The following TXLNB variants were observed in gnomAD, a reference collection of about 807,000 sequenced individuals.
TXLNB encodes taxilin beta.
Under a neutral mutation model 57.4 loss-of-function variants are expected in TXLNB, and 37 were observed. The ratio of observed to expected loss-of-function variants is 0.64; its 90% CI spans 0.50 to 0.85. The LOEUF (loss-of-function observed/expected upper bound fraction) is 0.85. Among genes scored for constraint, TXLNB ranks in the 40% least tolerant of loss-of-function variants. The pLI, the probability that TXLNB is intolerant of heterozygous loss-of-function variation, is 0.00. For missense variants in TXLNB, 848 were observed against 825.6 expected, an observed-to-expected ratio of 1.03 and a Z score of -0.33; for synonymous variants, 302 against 309.6, an observed-to-expected ratio of 0.98 and a Z score of 0.26.
the TXLNB span, among the ~76,000 whole-genome samples, chr6:139,321,456 A>G: frequency 3.3e-5 from 5 of 151,948 alleles, no homozygotes; most frequent in African/African-American, 1.2e-4. Context: ...CTCCAGAACT[A>G]TAAGAAGTAC....
In TXLNB at chr6:139,242,398, T is replaced by TA. The variant is rs1216470468; in HGVS notation, c.*127dup. On this transcript the variant is annotated 3_prime_UTR_variant, in exon 10 of 10. Transcript: ENST00000358430. The stretch of plus-strand genomic sequence containing the variant: ...TGAATGAATGTGTTCTGCCTAACAT[T>TA]AAAAAATGTCTTGATCCTAAGTCTC... The TA allele has an allele frequency of 5.5e-6, 4 of 731,006 alleles. No individual in the cohort carries two copies. The highest frequency in any genetic ancestry group is 7.9e-6 in the Non-Finnish European group (4 of 508,058). The allele number at this position is 731,006 out of a possible 1,614,324, so 45.3% of individuals were successfully genotyped here.
the TXLNB span, among the ~76,000 whole-genome samples, chr6:139,171,190 A>C: frequency 8.9e-4 from 136 of 152,242 alleles, no homozygotes; most frequent in Non-Finnish European, 1.3e-3. Context: ...GTGGTGGTTA[A>C]AATCCTAAGG....
chr6:139,229,195 T>C, the TXLNB span, among the ~76,000 whole-genome samples: 2 of 152,234 alleles, frequency 1.3e-5, no homozygotes, highest in Non-Finnish European at 2.9e-5. Flanking sequence ...AAAGGACAGA[T>C]GACCCAATAC....
the TXLNB span, among the ~76,000 whole-genome samples, chr6:139,313,221 T>C: frequency 1.3e-5 from 2 of 152,044 alleles, no homozygotes; most frequent in Non-Finnish European, 2.9e-5. Context: ...TACAGGCACG[T>C]GCCACCATGC....
the TXLNB span, among the ~76,000 whole-genome samples, chr6:139,323,231 A>G: frequency 1.3e-5 from 2 of 151,982 alleles, no homozygotes; most frequent in Non-Finnish European, 1.5e-5. Context: ...TTTGTTTGCA[A>G]GAAACCTCTA....
chr6:139,219,223 G>C, the TXLNB span, among the ~76,000 whole-genome samples: 1 of 152,194 alleles, frequency 6.6e-6, no homozygotes, highest in South Asian at 2.1e-4. Context: ...CCTAACAGTG[G>C]TAAACAATCA....
chr6:139,223,823 T>C, the TXLNB span, among the ~76,000 whole-genome samples: 2 of 151,902 alleles, frequency 1.3e-5, no homozygotes, highest in African/African-American at 4.8e-5. Flanking sequence ...TGTGGAGAAA[T>C]AGGAACACTT....
At chr6:139,189,179 G>A in the TXLNB span, among the ~76,000 whole-genome samples, 1 of 152,218 alleles carries the variant, frequency 6.6e-6, no homozygotes, top group Non-Finnish European at 1.5e-5. Context: ...TTTTATTACA[G>A]CTTTCGGGGT....
chr6:139,313,857 A>G, the TXLNB span, among the ~76,000 whole-genome samples: 19 of 152,194 alleles, frequency 1.2e-4, no homozygotes, highest in African/African-American at 4.6e-4. Flanking sequence ...CATTCCAAAG[A>G]AAACCTGAAA....
the TXLNB span, among the ~76,000 whole-genome samples, chr6:139,319,960 T>C: frequency 2.0e-5 from 3 of 152,290 alleles, no homozygotes; most frequent in Non-Finnish European, 4.4e-5. Flanking sequence ...AAAATACATT[T>C]CTACTACTTT....
chr6:139,302,678 G>A, the TXLNB span, among the ~76,000 whole-genome samples: 1 of 151,914 alleles, frequency 6.6e-6, no homozygotes, highest in Non-Finnish European at 1.5e-5. Context: ...AGCTACGAGG[G>A]AGGCTGAGGC....
chr6:139,262,950 T>G (rs933166318), intron 4 of TXLNB, among the ~76,000 whole-genome samples, 177 bp from the exon 5 acceptor site: 1 of 152,202 alleles, frequency 6.6e-6, no homozygotes, highest in Non-Finnish European at 1.5e-5. Flanking sequence ...CAGCTGTGAG[T>G]ACATAGTTAC....
chr6:139,174,214 A>G, the TXLNB span, among the ~76,000 whole-genome samples: 213 of 152,376 alleles, frequency 1.4e-3, 7 homozygotes, highest in South Asian at 0.042. Flanking sequence ...CTAGTAATTC[A>G]TCATTATCCT....
chr6:139,166,578 C>T, the TXLNB span: 1 of 1,614,256 alleles, frequency 6.2e-7, no homozygotes, highest in Non-Finnish European at 8.5e-7. Context: ...AAGAAGGACA[C>T]AGACTGGTAT....
At chr6:139,212,421 C>T in the TXLNB span, among the ~76,000 whole-genome samples, 3 of 152,150 alleles carry the variant, frequency 2.0e-5, no homozygotes, top group African/African-American at 4.8e-5. Context: ...CACAGACAAG[C>T]AAATGCTGAG....
upstream of TXLNB, among the ~76,000 whole-genome samples, chr6:139,292,407 A>T (rs6929926): frequency 0.38 from 57,372 of 152,000 alleles, 13,069 homozygotes; most frequent in African/African-American, 0.65. This position sits in a 1 kb window ranked among gnomAD's most constrained non-coding sequence, Gnocchi z 4.0. Flanking sequence ...GTGTGGTGGA[A>T]GATTCATCTT....
the TXLNB span, among the ~76,000 whole-genome samples, chr6:139,229,533 G>A: frequency 6.6e-6 from 1 of 152,282 alleles, no homozygotes; most frequent in South Asian, 2.1e-4. Flanking sequence ...ATGTTGGCCA[G>A]GCTGGTCTCG....
the TXLNB span, among the ~76,000 whole-genome samples, chr6:139,323,611 A>C: frequency 1.3e-5 from 2 of 152,130 alleles, no homozygotes; most frequent in African/African-American, 4.8e-5. Context: ...TACTTATATA[A>C]TAATAAAGAA....
intron 8 of TXLNB, among the ~76,000 whole-genome samples, chr6:139,246,769 C>T (rs947431201): frequency 2.6e-5 from 4 of 151,976 alleles, no homozygotes; most frequent in African/African-American, 9.7e-5. Flanking sequence ...ATAAAATTAA[C>T]CGGACATGGT....
Sources: gnomAD v4.1 joint callset for allele counts (sites outside exome capture counted in the v4.1 genomes callset) on GRCh38, gnomAD v4.1.1 for gene constraint, Gnocchi (gnomAD v3.1) non-coding constraint, MANE v1.5 for transcripts, NCBI Gene and HGNC (gene_info 2026-07-23, HGNC 2026-07-21) for gene names.